The following MFHAS1 variants were observed in gnomAD, a reference collection of about 807,000 sequenced individuals.
MFHAS1 encodes the protein multifunctional ROCO family signaling regulator 1.
In MFHAS1, 50 loss-of-function variants were observed where a neutral mutation model predicts 70.4. That is an observed-to-expected ratio of 0.71 (90% CI 0.57 to 0.90). The LOEUF (loss-of-function observed/expected upper bound fraction) is 0.90, where lower values mean the gene tolerates loss of function less well. MFHAS1 is among the 40% of genes least tolerant of loss of function. The probability of loss-of-function intolerance (pLI) is 0.00; values close to 1 mark genes in which losing one functional copy is unlikely to be tolerated. For synonymous variants in MFHAS1, 952 were observed against 620.0 expected, an observed-to-expected ratio of 1.54 and a Z score of -7.96; for missense variants, 1,795 against 1,347.6, an observed-to-expected ratio of 1.33 and a Z score of -5.20.
chr8:8,886,406 G>A (rs1809754538), intron 1 of MFHAS1, among the ~76,000 whole-genome samples: 1 of 151,996 alleles, frequency 6.6e-6, no homozygotes, highest in Admixed American at 6.6e-5. Flanking sequence ...TGACCCAAGT[G>A]ATCCTCCTGC....
chr8:8,867,477 A>T (rs1808903323), intron 1 of MFHAS1, among the ~76,000 whole-genome samples: 1 of 152,168 alleles, frequency 6.6e-6, no homozygotes, highest in African/African-American at 2.4e-5. Flanking sequence ...TTTTATTATT[A>T]ATCCAACCCC....
chr8:8,819,344 G>A (rs989049351), intron 1 of MFHAS1, among the ~76,000 whole-genome samples: 5 of 152,194 alleles, frequency 3.3e-5, no homozygotes, highest in African/African-American at 9.6e-5. Context: ...GGTGGCTCAC[G>A]CCTGTAATCC....
chr8:8,849,077 T>C (rs1252512966), intron 1 of MFHAS1, among the ~76,000 whole-genome samples: 1 of 119,940 alleles, frequency 8.3e-6, no homozygotes, highest in Non-Finnish European at 1.7e-5. Flanking sequence ...TTTTTTTTTT[T>C]TTTTTTTTTT....
At chr8:8,876,467 G>A (rs1401504667) in intron 1 of MFHAS1, among the ~76,000 whole-genome samples, 1 of 152,120 alleles carries the variant, frequency 6.6e-6, no homozygotes, top group Admixed American at 6.5e-5. Flanking sequence ...GGGCGTGGTG[G>A]CACATGCCTA....
At position 8,801,963 on chromosome 8, in the gene MFHAS1, A is replaced by T. The variant is rs564187190; in HGVS notation, c.2999-4472T>A. Among the ~76,000 whole-genome samples, 5 of 152,362 alleles carry T rather than the reference A, an allele frequency of 3.3e-5. 1 individual carries two copies. The highest frequency in any genetic ancestry group is 1.2e-4 in the African/African-American group (5 of 41,580). On this transcript the variant is annotated intron_variant, in intron 1 of 2. Transcript: ENST00000276282. ...GGAACACTTAGACGAAGGACCCAGC[A>T]ACTTTTGTTATCAGAATGGAGAACG...
At chr8:8,813,700 G>C (rs866409880) in intron 1 of MFHAS1, among the ~76,000 whole-genome samples, 27 of 152,226 alleles carry the variant, frequency 1.8e-4, no homozygotes, top group African/African-American at 5.3e-4. Context: ...GAATCAAAAA[G>C]TTAAAATATT....
Position 8,890,856 on chromosome 8 carries a change from C to A in MFHAS1, c.2203G>T (p.Asp735Tyr). 6.2e-7 allele frequency: 1 copy of A among 1,614,158 alleles called. No individual in the cohort carries two copies. The highest frequency in any genetic ancestry group is 1.1e-5 in the South Asian group (1 of 91,058). Residue 735 changes from aspartate to tyrosine, a missense_variant, in exon 1 of 3, where the codon GAC becomes TAC. By Grantham distance (160) the Asp-to-Tyr change is radical. Transcript: ENST00000276282. The stretch of plus-strand genomic sequence containing the variant: ...CTCTGGAAGAAGACATTGAGGATGT[C>A]GATGAGGCGGGTGAGGTTGTGGAAG... ...HVFHNLTRLI[D>Y]ILNVFFQRDP...
At chr8:8,793,249 G>A (rs977223615) in intron 2 of MFHAS1, among the ~76,000 whole-genome samples, 1 of 151,998 alleles carries the variant, frequency 6.6e-6, no homozygotes, top group Non-Finnish European at 1.5e-5. Context: ...TCTACAAATT[G>A]TTTAAAATAA....
intron 1 of MFHAS1, among the ~76,000 whole-genome samples, chr8:8,845,345 T>C (rs1318056838): frequency 6.6e-6 from 1 of 152,244 alleles, no homozygotes; most frequent in Non-Finnish European, 1.5e-5. Context: ...TTGATGTATC[T>C]GTGAAGCAGC....
In MFHAS1 at chr8:8,784,023, G is replaced by A. The variant is rs1585011712; in HGVS notation, c.*1999C>T. The A allele has an allele frequency of 6.6e-6, 1 of 152,274 alleles. No homozygotes were observed. Among genetic ancestry groups the A allele is most frequent in the African/African-American group, 2.4e-5 (1 of 41,540 alleles). 9.4% of individuals were successfully genotyped at this position (152,274 alleles called of 1,614,324 possible). A position where few individuals can be genotyped will look rare whatever the true frequency, so the allele number is the denominator to read the frequency against. ...AAAACATCACTGGTCAAAAATATTAGATATTAAGAATGTGGGCGTTTATGT... is the reference window on the plus strand; with the variant it reads ...AAAACATCACTGGTCAAAAATATTAAATATTAAGAATGTGGGCGTTTATGT... On this transcript the variant is annotated 3_prime_UTR_variant, in exon 3 of 3. Coordinates refer to ENST00000276282, the MANE Select transcript of MFHAS1 (RefSeq NM_004225.3).
chr8:8,831,429 A>G (rs992800105), intron 1 of MFHAS1, among the ~76,000 whole-genome samples: 1 of 152,114 alleles, frequency 6.6e-6, no homozygotes, highest in Admixed American at 6.5e-5. Context: ...GTCTACAGCC[A>G]TACTACCTGA....
At chr8:8,797,171 C>CA (rs1399893268) in intron 2 of MFHAS1, among the ~76,000 whole-genome samples, 194 bp downstream of exon 2, 1 of 139,542 alleles carries the variant, frequency 7.2e-6, no homozygotes, top group Non-Finnish European at 1.6e-5. Context: ...AAAAAAATCA[C>CA]AAAAAAGAGG....
intron 2 of MFHAS1, among the ~76,000 whole-genome samples, chr8:8,791,512 TAGA>T (rs1360081807): frequency 6.6e-6 from 1 of 152,058 alleles, no homozygotes; most frequent in Non-Finnish European, 1.5e-5. Flanking sequence ...TAAAGCTCTT[TAGA>T]AGGAGAAAGA....
intron 1 of MFHAS1, among the ~76,000 whole-genome samples, chr8:8,826,022 G>A (rs1807145224): frequency 2.0e-5 from 3 of 152,176 alleles, no homozygotes; most frequent in Admixed American, 6.5e-5. Context: ...TTGGACAGCT[G>A]TACCCAAGAG....
At position 8,810,524 on chromosome 8, in the gene MFHAS1, G is replaced by A. The variant is rs188831630; in HGVS notation, c.2999-13033C>T. Among the ~76,000 whole-genome samples the A allele has an allele frequency of 2.8e-4, 43 of 152,254 alleles. 1 individual carries two copies. Among genetic ancestry groups the A allele is most frequent in the Non-Finnish European group, 5.6e-4 (38 of 68,016 alleles). ...TCCTCCTCCTCAGCTCACTCAATACGAAGACGATGATGAAGATCTTTATGA... is the reference window on the plus strand; with the variant it reads ...TCCTCCTCCTCAGCTCACTCAATACAAAGACGATGATGAAGATCTTTATGA... On this transcript the variant is annotated intron_variant, in intron 1 of 2. Transcript: ENST00000276282.
chr8:8,829,933 T>C (rs995743817), intron 1 of MFHAS1, among the ~76,000 whole-genome samples: 3 of 152,198 alleles, frequency 2.0e-5, no homozygotes, highest in Non-Finnish European at 2.9e-5. Context: ...ATACAGAAGA[T>C]TCTTCACTGT....
chr8:8,792,657 TA>T (rs1331410090), intron 2 of MFHAS1, among the ~76,000 whole-genome samples: 1 of 152,120 alleles, frequency 6.6e-6, no homozygotes, highest in Non-Finnish European at 1.5e-5. Flanking sequence ...CTGCATGAAC[TA>T]GGTGTTGGAT....
At position 8,892,509 on chromosome 8, in the gene MFHAS1, G is replaced by T; in HGVS notation, c.550C>A (p.Arg184Ser). The change falls in exon 1 of 3, where the codon CGC becomes AGC. Residue 184 changes from arginine (R) to serine (S), a missense_variant. Transcript: ENST00000276282. This position sits in a 1 kb window ranked among gnomAD's most constrained non-coding sequence, Gnocchi z 4.7. The part of the protein sequence containing the change: ...PDSLSCLSRL[R>S]TLDVDHNQLT... ...TGGTTGTGATCCACGTCCAGGGTGC[G>T]CAGGCGGGAGAGGCAGGAGAGGGAG... 6.2e-7 allele frequency: 1 copy of T among 1,602,498 alleles called. No homozygotes were observed. The highest frequency in any genetic ancestry group is 2.3e-5 in the East Asian group (1 of 44,324).
In MFHAS1 at chr8:8,891,173, C is replaced by A; in HGVS notation, c.1886G>T (p.Cys629Phe). The change falls in exon 1 of 3, where the codon TGC becomes TTC. Residue 629 changes from cysteine to phenylalanine, a missense_variant. Coordinates refer to ENST00000276282, the MANE Select transcript of MFHAS1 (RefSeq NM_004225.3). The surrounding 1 kb of genome is among the most constrained non-coding windows in gnomAD (Gnocchi z 5.4). ...GCGTCGTAAGTGGCGCGGGTCCCTG[C>A]AGCTAACAGGCAACACGGGGGAGAG... ...QILSPVLPVS[C>F]RDPRHLRRLR... 6.2e-7 allele frequency: 1 copy of A among 1,613,376 alleles called. No individual in the cohort carries two copies. Among genetic ancestry groups the A allele is most frequent in the Non-Finnish European group, 8.5e-7 (1 of 1,180,042 alleles).
Sources: gnomAD v4.1 joint callset for allele counts (sites outside exome capture counted in the v4.1 genomes callset) on GRCh38, gnomAD v4.1.1 for gene constraint, Gnocchi (gnomAD v3.1) non-coding constraint, MANE v1.5 for transcripts, NCBI Gene and HGNC (gene_info 2026-07-23, HGNC 2026-07-21) for gene names.